The following SND1 variants were observed in gnomAD, a reference collection of about 807,000 sequenced individuals.
The protein encoded by SND1 is staphylococcal nuclease and tudor domain containing 1.
A neutral mutation model predicts 121.7 loss-of-function variants in SND1; 38 were observed. The observed-to-expected ratio is 0.31, with a 90% confidence interval of 0.24 to 0.41. SND1 has a LOEUF of 0.41. SND1 is among the 10% of genes least tolerant of loss of function. The pLI is 1.00. For synonymous variants in SND1, 401 were observed against 447.4 expected (o/e 0.90, Z 1.31); for missense variants, 868 against 1,184.6 (o/e 0.73, Z 3.92).
rs571760583 is a variant in SND1 at position 127,847,762 on chromosome 7, A to G, written c.1343+3338A>G. ...CACTGCCCGAAGTGCGTAGATGCCAATAATATGGCACTGGTTTTTGGGAAA... is the reference window on the plus strand; with the variant it reads ...CACTGCCCGAAGTGCGTAGATGCCAGTAATATGGCACTGGTTTTTGGGAAA... On this transcript the variant is annotated intron_variant, in intron 12 of 23. Coordinates refer to ENST00000354725, the MANE Select transcript of SND1 (RefSeq NM_014390.4). Among the ~76,000 whole-genome samples, 238 of 152,346 alleles carry G rather than the reference A, an allele frequency of 1.6e-3. 1 individual carries two copies. Among genetic ancestry groups the G allele is most frequent in the Non-Finnish European group, 2.7e-3 (181 of 68,038 alleles).
At chr7:127,673,156 T>A in intron 1 of SND1, among the ~76,000 whole-genome samples, 1 of 147,510 alleles carries the variant, frequency 6.8e-6, no homozygotes, top group South Asian at 2.1e-4. Context: ...ATATGATATA[T>A]AATATATATC....
chr7:128,007,489 T>C (rs926636737), intron 16 of SND1, among the ~76,000 whole-genome samples: 2 of 152,174 alleles, frequency 1.3e-5, no homozygotes, highest in Non-Finnish European at 2.9e-5. Flanking sequence ...AGATGGCAAA[T>C]AGTCCTGCTC....
intron 12 of SND1, among the ~76,000 whole-genome samples, chr7:127,876,542 CA>C (rs1337142393): frequency 1.3e-5 from 2 of 151,896 alleles, no homozygotes; most frequent in African/African-American, 4.8e-5. Flanking sequence ...TGGTAAGATT[CA>C]AAAAAGCTTT....
intron 16 of SND1, among the ~76,000 whole-genome samples, chr7:128,059,012 T>G (rs935263108): frequency 3.9e-5 from 6 of 152,164 alleles, no homozygotes; most frequent in African/African-American, 1.4e-4. Flanking sequence ...CGTGTTTCTC[T>G]AATGTCTACT....
rs758091078 is a variant in SND1, at chr7:128,092,062, G to C, written c.*4G>C. The C allele has an allele frequency of 6.2e-7, 1 of 1,613,886 alleles. No homozygotes were observed. The highest frequency in any genetic ancestry group is 1.3e-5 in the African/African-American group (1 of 74,950). On this transcript the variant is annotated 3_prime_UTR_variant, in exon 24 of 24. Coordinates refer to ENST00000354725, the MANE Select transcript of SND1 (RefSeq NM_014390.4). The surrounding 1 kb of genome is among the most constrained non-coding windows in gnomAD (Gnocchi z 4.9). ...CGAATTTGGCTACAGCCGCTAAGGA[G>C]GGGATCGGGTTTGGCCCCCAGCCCC...
intron 16 of SND1, among the ~76,000 whole-genome samples, chr7:128,006,394 T>A (rs2116940989): frequency 6.6e-6 from 1 of 152,298 alleles, no homozygotes; most frequent in African/African-American, 2.4e-5. Context: ...GGAAAGGTAA[T>A]GGGGTATCCT....
intron 10 of SND1, among the ~76,000 whole-genome samples, chr7:127,772,698 TA>T (rs1797536371): frequency 6.3e-5 from 1 of 15,750 alleles, no homozygotes; most frequent in South Asian, 0.014. Flanking sequence ...ATGAAACATG[TA>T]ATTTTTTTTT....
intron 15 of SND1, among the ~76,000 whole-genome samples, chr7:127,942,953 G>A (rs576771820): frequency 7.9e-5 from 12 of 152,268 alleles, no homozygotes; most frequent in African/African-American, 2.6e-4. Flanking sequence ...ATAATATGGG[G>A]TAATAGCATT....
At chr7:127,923,828 C>T (rs1563059627) in intron 14 of SND1, among the ~76,000 whole-genome samples, 1 of 152,182 alleles carries the variant, frequency 6.6e-6, no homozygotes, top group Non-Finnish European at 1.5e-5. Context: ...ACACAATACA[C>T]TTAAAATGAG....
At chr7:127,948,374 T>A (rs1012814650) in intron 15 of SND1, among the ~76,000 whole-genome samples, 2 of 152,234 alleles carry the variant, frequency 1.3e-5, no homozygotes, top group African/African-American at 4.8e-5. Context: ...TTATGAATCC[T>A]GCCCCTTACT....
intron 18 of SND1, among the ~76,000 whole-genome samples, chr7:128,082,189 C>T (rs1452116586): frequency 1.3e-5 from 2 of 152,228 alleles, no homozygotes; most frequent in African/African-American, 2.4e-5. Context: ...CAACCGCTTA[C>T]GCTTTCCACC....
intron 16 of SND1, among the ~76,000 whole-genome samples, chr7:128,053,497 G>A (rs1459337361): frequency 2.0e-5 from 3 of 152,054 alleles, no homozygotes; most frequent in South Asian, 2.1e-4. Context: ...CAGAGATTTC[G>A]GAAGGTAATA....
At position 128,089,518 on chromosome 7, in the gene SND1, C is replaced by A; in HGVS notation, c.2448C>A (p.Ser816Arg). The stretch of plus-strand genomic sequence containing the variant: ...ATGCCCGCACGGACGCCGTGGACAG[C>A]GTAGTTCGGGATATCCAGAACACTC... ...DDDARTDAVD[S>R]VVRDIQNTQC... is the part of the protein sequence containing the mutation. The change falls in exon 22 of 24, where the codon AGC (serine) becomes AGA (arginine). Residue 816 changes from serine to arginine, a missense_variant. Physicochemically the swap from Ser to Arg is moderately radical, Grantham distance 110. Coordinates refer to ENST00000354725, the MANE Select transcript of SND1 (RefSeq NM_014390.4). 6.2e-7 allele frequency: 1 copy of A among 1,614,102 alleles called. No homozygotes were observed. The highest frequency in any genetic ancestry group is 8.5e-7 in the Non-Finnish European group (1 of 1,179,954).
chr7:127,996,509 A>C (rs1006802994), intron 16 of SND1, among the ~76,000 whole-genome samples: 2 of 152,136 alleles, frequency 1.3e-5, no homozygotes, highest in African/African-American at 4.8e-5. Flanking sequence ...CCTGTTGAGG[A>C]GACCCACAAG....
chr7:127,892,426 TCAG>T (rs1050290190), intron 13 of SND1, among the ~76,000 whole-genome samples: 11 of 152,226 alleles, frequency 7.2e-5, no homozygotes, highest in African/African-American at 1.7e-4. Context: ...CTCTACCACA[TCAG>T]CAGCTCTGTT....
At chr7:127,806,432 A>T (rs1371931521) in intron 10 of SND1, among the ~76,000 whole-genome samples, 1 of 152,164 alleles carries the variant, frequency 6.6e-6, no homozygotes, top group Non-Finnish European at 1.5e-5. Flanking sequence ...GGCCTATGAG[A>T]TAATGAAGTA....
At chr7:127,703,078 G>T (rs1796130980) in intron 6 of SND1, 87 bp from the exon 7 acceptor site, 2 of 1,445,776 alleles carry the variant, frequency 1.4e-6, no homozygotes, top group Admixed American at 3.5e-5. Context: ...CGTGGCATGT[G>T]TGTTTTTTGG....
chr7:127,877,500 A>G (rs1278550929), intron 12 of SND1, among the ~76,000 whole-genome samples: 2 of 152,110 alleles, frequency 1.3e-5, no homozygotes, highest in Non-Finnish European at 1.5e-5. Flanking sequence ...ATAAGTAGAA[A>G]TGAGGTAATG....
Position 128,036,203 on chromosome 7 carries a change from T to TTGTGTG in SND1, c.1780-38285_1780-38280dup, listed in dbSNP as rs34733932. ...CTTCTTTCCAAGGTAATGAACACATTTGTGTGTGTGTGTGTGTGTCTTAGT... is the reference window on the plus strand; with the variant it reads ...CTTCTTTCCAAGGTAATGAACACATTTGTGTGTGTGTGTGTGTGTGTGTGTCTTAGT... On this transcript the variant is annotated intron_variant, in intron 16 of 23. Transcript: ENST00000354725. Among the ~76,000 whole-genome samples the TTGTGTG allele has an allele frequency of 9.4e-4, 143 of 151,616 alleles. No individual in the cohort carries two copies. In the Middle Eastern group the frequency reaches 0.01, roughly 11 times the overall value.
Sources: gnomAD v4.1 joint callset for allele counts (sites outside exome capture counted in the v4.1 genomes callset) on GRCh38, gnomAD v4.1.1 for gene constraint, Gnocchi (gnomAD v3.1) non-coding constraint, MANE v1.5 for transcripts, NCBI Gene and HGNC (gene_info 2026-07-23, HGNC 2026-07-21) for gene names.